The following ENDOV variants were observed in gnomAD, a reference collection of about 807,000 sequenced individuals.
ENDOV encodes endonuclease V.
ENDOV carries 37 observed loss-of-function variants against 39.4 expected under a neutral mutation model. The ratio of observed to expected loss-of-function variants is 0.94; its 90% CI spans 0.72 to 1.23. The LOEUF is 1.23. ENDOV is among the 50% of genes most tolerant of loss of function. The probability of loss-of-function intolerance (pLI) is 0.00; values close to 1 mark genes in which losing one functional copy is unlikely to be tolerated. For synonymous variants in ENDOV, 186 were observed against 163.4 expected, an observed-to-expected ratio of 1.14 and a Z score of -1.05; for missense variants, 441 against 375.7, an observed-to-expected ratio of 1.17 and a Z score of -1.44.
At chr17:80,421,754 G>A in intron 2 of ENDOV, 74 bp from the exon 3 acceptor site, 1 of 1,528,478 alleles carries the variant, frequency 6.5e-7, no homozygotes, top group Non-Finnish European at 8.8e-7. Context: ...GAGGGGGGCA[G>A]GGCATGGACG....
chr17:80,422,379 G>T (rs1025730216), intron 4 of ENDOV, 134 bp downstream of exon 4: 1 of 1,065,732 alleles, frequency 9.4e-7, no homozygotes, highest in East Asian at 2.6e-5. Context: ...CTTCTTTCTC[G>T]GCGCAACGGG....
chr17:80,421,746 G>T (rs948935694), intron 2 of ENDOV, 82 bp from the exon 3 acceptor site: 2 of 1,512,044 alleles, frequency 1.3e-6, no homozygotes, highest in South Asian at 1.2e-5. Flanking sequence ...GGAAGGATGA[G>T]GGGGGCAGGG....
chr17:80,427,087 G>A (rs556966252), intron 7 of ENDOV, among the ~76,000 whole-genome samples: 1 of 152,252 alleles, frequency 6.6e-6, no homozygotes, highest in Non-Finnish European at 1.5e-5. Context: ...TACCACAATG[G>A]CCCTCGCCCT....
intron 2 of ENDOV, among the ~76,000 whole-genome samples, chr17:80,416,546 G>A (rs1333490882): frequency 1.3e-5 from 2 of 152,232 alleles, no homozygotes; most frequent in East Asian, 3.9e-4. Flanking sequence ...TTCCCTGGCT[G>A]TGCCACCATC....
Position 80,425,511 on chromosome 17 carries a change from G to T in ENDOV, c.605G>T (p.Arg202Leu), listed in dbSNP as rs777566968. 5.0e-6 allele frequency: 8 copies of T among 1,597,514 alleles called. No individual in the cohort carries two copies. The African/African-American group carries it at 8.0e-5, about 16-fold the overall frequency. Residue 202 changes from arginine (R) to leucine (L), a missense_variant, in exon 7 of 10, where the codon CGC (arginine) becomes CTC (leucine). Physicochemically the swap from Arg to Leu is moderately radical, Grantham distance 102. Transcript: ENST00000518137. ...TCACAGGCCCTGAGGAGCCACGACC[G>T]CAGCACCAGGCCCCTCTACATCTCC... ...VLGMALRSHDRSTRPLYISVG... is the reference protein window; with the variant it reads ...VLGMALRSHDLSTRPLYISVG...
chr17:80,424,882 G>C (rs981234415), intron 5 of ENDOV, 150 bp from the exon 6 acceptor site: 2 of 638,138 alleles, frequency 3.1e-6, no homozygotes, highest in African/African-American at 3.6e-5. Context: ...TTGAACACGG[G>C]AGGCAGAGGT....
chr17:80,415,547 G>T, intron 1 of ENDOV, 103 bp from the exon 2 acceptor site: 1 of 1,402,048 alleles, frequency 7.1e-7, no homozygotes, highest in Non-Finnish European at 9.7e-7. Context: ...CTTGAAGCGG[G>T]AGAAGACCCG....
chr17:80,415,219 C>A lies in ENDOV; in HGVS notation c.25C>A (p.Pro9Thr), dbSNP rs755123132. The change falls in exon 1 of 10, where the codon CCG becomes ACG. Residue 9 changes from proline to threonine, a missense_variant. Pro to Thr is a conservative substitution (Grantham distance 38). Coordinates refer to ENST00000518137, the MANE Select transcript of ENDOV (RefSeq NM_173627.5). ...CATGGCCCTGGAGGCGGCGGGAGGG[C>A]CGCCGGAGGAAACGCTGTCACTGTG... is the stretch of plus-strand genomic sequence containing the variant. MALEAAGG[P>T]PEETLSLWKR... 3.1e-6 allele frequency: 5 copies of A among 1,613,338 alleles called. No individual in the cohort carries two copies. The East Asian group carries it at 1.1e-4, about 36-fold the overall frequency.
At position 80,425,487 on chromosome 17, in the gene ENDOV, C is replaced by A; in HGVS notation, c.586-5C>A. On this transcript the variant is annotated splice_polypyrimidine_tract_variant and splice_region_variant and intron_variant, in intron 6 of 9. Coordinates refer to ENST00000518137, the MANE Select transcript of ENDOV (RefSeq NM_173627.5). ...ACAGGACAGCCCTCGCCTTCCTTGTCACAGGCCCTGAGGAGCCACGACCGC... is the reference window on the plus strand; with the variant it reads ...ACAGGACAGCCCTCGCCTTCCTTGTAACAGGCCCTGAGGAGCCACGACCGC... The A allele has an allele frequency of 6.3e-7, 1 of 1,594,398 alleles. No homozygotes were observed. The highest frequency in any genetic ancestry group is 8.5e-7 in the Non-Finnish European group (1 of 1,175,096).
At chr17:80,425,449 G>A (rs372621229) in intron 6 of ENDOV, 43 bp from the exon 7 acceptor site, 12 of 1,565,662 alleles carry the variant, frequency 7.7e-6, no homozygotes, top group South Asian at 1.2e-5. Context: ...CCCTGGTCCC[G>A]GTGGCCCAGC....
chr17:80,430,050 C>G (rs1370595170), intron 9 of ENDOV: 11 of 1,535,816 alleles, frequency 7.2e-6, no homozygotes, highest in Non-Finnish European at 9.6e-6. Flanking sequence ...GGTGGAGCAC[C>G]CAGTCCCCAA....
chr17:80,429,825 T>C lies in ENDOV; in HGVS notation c.832T>C (p.Ser278Pro). ...ATGCCCCAAAGGAGACTCCGGAGAG[T>C]CCTCAGGTGAGGGCCAGCCCCCACA... Reference protein sequence around the residue: ...VACPKGDSGESSALC With the variant: ...VACPKGDSGEPSALC The change falls in exon 9 of 10, where the codon TCC becomes CCC. Residue 278 changes from serine (S) to proline (P), a missense_variant. By Grantham distance (74) the Ser-to-Pro change is moderately conservative. Transcript: ENST00000518137. The C allele has an allele frequency of 1.9e-6, 3 of 1,611,980 alleles. No individual in the cohort carries two copies. Among genetic ancestry groups the C allele is most frequent in the Non-Finnish European group, 2.5e-6 (3 of 1,179,574 alleles).
chr17:80,421,859 T>G lies in ENDOV; in HGVS notation c.260T>G (p.Leu87Arg), dbSNP rs1159515424. ...TATGAGGAGAGCCGCATGGTCAGCCTCACAGCCCCCTACGTGTCGGGCTTC... is the reference window on the plus strand; with the variant it reads ...TATGAGGAGAGCCGCATGGTCAGCCGCACAGCCCCCTACGTGTCGGGCTTC... ...VVYEESRMVSLTAPYVSGFLA... is the reference protein window; with the variant it reads ...VVYEESRMVSRTAPYVSGFLA... Residue 87 changes from leucine (L) to arginine (R), a missense_variant, in exon 3 of 10, where the codon CTC becomes CGC. By Grantham distance (102) the Leu-to-Arg change is moderately radical (BLOSUM62 -2). Coordinates refer to ENST00000518137, the MANE Select transcript of ENDOV (RefSeq NM_173627.5). 6.2e-7 allele frequency: 1 copy of G among 1,603,454 alleles called. No homozygotes were observed. Among genetic ancestry groups the G allele is most frequent in the Non-Finnish European group, 8.5e-7 (1 of 1,175,704 alleles).
rs772306366 is a variant in ENDOV, at chr17:80,415,677, C to T, written c.84C>T (p.Val28=). ...KREQARLKAH[V]VDRDTEAWQR... is the part of the protein sequence containing the mutation. ...AGCAAGCTCGGCTGAAGGCCCACGTCGTAGACCGGGACACCGAGGCGTGGC... is the reference window on the plus strand; with the variant it reads ...AGCAAGCTCGGCTGAAGGCCCACGTTGTAGACCGGGACACCGAGGCGTGGC... The change falls in exon 2 of 10, where the codon GTC becomes GTT. Residue 28 remains valine, a synonymous_variant. Transcript: ENST00000518137. The T allele has an allele frequency of 6.2e-7, 1 of 1,612,440 alleles. No individual in the cohort carries two copies. Among genetic ancestry groups the T allele is most frequent in the Non-Finnish European group, 8.5e-7 (1 of 1,179,392 alleles).
chr17:80,430,433 A>C, intron 9 of ENDOV: 2 of 1,383,902 alleles, frequency 1.4e-6, no homozygotes, highest in Middle Eastern at 1.8e-4. Context: ...TTACTTGCAA[A>C]ATCAGGGTTC....
chr17:80,427,910 C>T, intron 7 of ENDOV: 1 of 1,212,464 alleles, frequency 8.2e-7, no homozygotes, highest in Non-Finnish European at 1.1e-6. Flanking sequence ...GAAGCAGGAG[C>T]AGGCTGGGGG....
chr17:80,427,524 G>A, intron 7 of ENDOV: 52 of 1,054,656 alleles, frequency 4.9e-5, no homozygotes, highest in Non-Finnish European at 5.9e-5. Flanking sequence ...AGGAAGGAAA[G>A]CCGCAACCAG....
intron 9 of ENDOV, 94 bp from the exon 10 acceptor site, chr17:80,436,039 G>A (rs1358351775): frequency 1.4e-6 from 2 of 1,401,770 alleles, no homozygotes; most frequent in Non-Finnish European, 2.0e-6. Flanking sequence ...ACAGGCGCGA[G>A]CCACTGCACC....
In ENDOV at chr17:80,415,683, C is replaced by T; in HGVS notation, c.90C>T (p.Asp30=). The T allele has an allele frequency of 6.2e-7, 1 of 1,612,420 alleles. No individual in the cohort carries two copies. The highest frequency in any genetic ancestry group is 8.5e-7 in the Non-Finnish European group (1 of 1,179,344). Residue 30 remains aspartate (D), a synonymous_variant, in exon 2 of 10, where the codon GAC becomes GAT. Transcript: ENST00000518137. Reference sequence around the variant, plus strand: ...CTCGGCTGAAGGCCCACGTCGTAGACCGGGACACCGAGGCGTGGCAGCGAG... The same window carrying T: ...CTCGGCTGAAGGCCCACGTCGTAGATCGGGACACCGAGGCGTGGCAGCGAG... ...EQARLKAHVV[D]RDTEAWQRDP... is the part of the protein sequence containing the mutation.
Sources: gnomAD v4.1 joint callset for allele counts (sites outside exome capture counted in the v4.1 genomes callset) on GRCh38, gnomAD v4.1.1 for gene constraint, MANE v1.5 for transcripts, NCBI Gene and HGNC (gene_info 2026-07-23, HGNC 2026-07-21) for gene names.